Variants in TASP1 observed in about 807,000 individuals in gnomAD.
The protein encoded by TASP1 is taspase 1, also known as threonine aspartase 1.
TASP1 carries 16 observed loss-of-function variants against 56.6 expected under a neutral mutation model. The observed-to-expected ratio is 0.28, with a 90% CI of 0.19 to 0.43. TASP1 has a LOEUF of 0.43. TASP1 is among the 20% of genes least tolerant of loss of function. TASP1 has a pLI of 1.00. For synonymous variants in TASP1, 179 were observed against 184.2 expected, an observed-to-expected ratio of 0.97 and a Z score of 0.23; for missense variants, 393 against 511.6, an observed-to-expected ratio of 0.77 and a Z score of 2.24.
At chr20:13,569,890 A>G (rs1174787912) in intron 6 of TASP1, among the ~76,000 whole-genome samples, 1 of 152,172 alleles carries the variant, frequency 6.6e-6, no homozygotes, top group African/African-American at 2.4e-5. Flanking sequence ...ATTAAGATTT[A>G]TCTTGGACCA....
At chr20:13,286,414 T>C in the TASP1 span, among the ~76,000 whole-genome samples, 1 of 151,880 alleles carries the variant, frequency 6.6e-6, no homozygotes, top group Non-Finnish European at 1.5e-5. Flanking sequence ...CAATAAGAGA[T>C]GGTAGAGAGG....
At chr20:13,279,732 G>A in the TASP1 span, 1 of 1,614,016 alleles carries the variant, frequency 6.2e-7, no homozygotes, top group Non-Finnish European at 8.5e-7. Context: ...CCGACTGGCG[G>A]GCCTGGTGGC....
chr20:13,319,312 A>T, the TASP1 span, among the ~76,000 whole-genome samples: 1 of 152,164 alleles, frequency 6.6e-6, no homozygotes, highest in Non-Finnish European at 1.5e-5. Context: ...TGAACTAGAC[A>T]CTTATCTGGT....
the TASP1 span, among the ~76,000 whole-genome samples, chr20:13,371,473 TTC>T: frequency 8.1e-5 from 9 of 110,718 alleles, no homozygotes; most frequent in African/African-American, 1.8e-4. Context: ...TCCCAAATCT[TTC>T]TGTTACTTTT....
the TASP1 span, among the ~76,000 whole-genome samples, chr20:13,212,091 TC>T: frequency 6.6e-6 from 1 of 152,144 alleles, no homozygotes; most frequent in African/African-American, 2.4e-5. Context: ...CATACCCATT[TC>T]CTTTGCCTCC....
chr20:13,115,191 G>A, the TASP1 span, among the ~76,000 whole-genome samples: 2 of 152,096 alleles, frequency 1.3e-5, no homozygotes, highest in African/African-American at 2.4e-5. Context: ...TTATGCATGC[G>A]CTAGACTCAA....
chr20:13,136,459 C>T, the TASP1 span, among the ~76,000 whole-genome samples: 5 of 151,520 alleles, frequency 3.3e-5, no homozygotes, highest in South Asian at 4.2e-4. Context: ...AATTAGATGG[C>T]GGTGGTGGCA....
chr20:13,513,402 G>C (rs1227085580), intron 10 of TASP1, among the ~76,000 whole-genome samples: 1 of 150,886 alleles, frequency 6.6e-6, no homozygotes, highest in Non-Finnish European at 1.5e-5. Flanking sequence ...AGAAACAAAA[G>C]AGGGAGGGAG....
chr20:13,307,576 T>C, the TASP1 span, among the ~76,000 whole-genome samples: 1 of 152,326 alleles, frequency 6.6e-6, no homozygotes, highest in African/African-American at 2.4e-5. Flanking sequence ...AGCACTCCCA[T>C]GCCCCCGTCC....
chr20:13,459,779 A>G (rs907735803), intron 11 of TASP1, among the ~76,000 whole-genome samples: 1 of 152,082 alleles, frequency 6.6e-6, no homozygotes, highest in Admixed American at 6.6e-5. Context: ...GTTACTACAG[A>G]TGAATTGCTC....
chr20:13,230,676 A>G, the TASP1 span, among the ~76,000 whole-genome samples: 2 of 151,578 alleles, frequency 1.3e-5, no homozygotes, highest in Non-Finnish European at 2.9e-5. Flanking sequence ...TAGAGATGGG[A>G]TGGGGGTGTC....
At chr20:13,272,897 A>C in the TASP1 span, among the ~76,000 whole-genome samples, 1 of 152,252 alleles carries the variant, frequency 6.6e-6, no homozygotes, top group African/African-American at 2.4e-5. Context: ...TGTTTAGGCC[A>C]TGCCCAAAAC....
intron 9 of TASP1, among the ~76,000 whole-genome samples, chr20:13,529,780 C>A (rs2146867111): frequency 6.6e-6 from 1 of 152,190 alleles, no homozygotes; most frequent in South Asian, 2.1e-4. Flanking sequence ...AGGATGGGGA[C>A]CAGACTTCAG....
At chr20:13,584,689 G>A (rs1372414541) in intron 5 of TASP1, among the ~76,000 whole-genome samples, 1 of 152,098 alleles carries the variant, frequency 6.6e-6, no homozygotes, top group Non-Finnish European at 1.5e-5. Context: ...CATACAGCAA[G>A]TCTCTAAAAG....
At chr20:13,519,470 C>A (rs542854601) in intron 10 of TASP1, among the ~76,000 whole-genome samples, 2 of 152,086 alleles carry the variant, frequency 1.3e-5, no homozygotes, top group Admixed American at 1.3e-4. Flanking sequence ...GTTCAACATA[C>A]GAAAATCAAT....
the TASP1 span, among the ~76,000 whole-genome samples, chr20:13,316,442 T>C: frequency 3.3e-5 from 5 of 151,942 alleles, no homozygotes; most frequent in Non-Finnish European, 4.4e-5. Context: ...ACTCATCCTA[T>C]GAGAGCAGCA....
At chr20:13,462,942 T>C (rs1437826708) in intron 11 of TASP1, among the ~76,000 whole-genome samples, 1 of 152,152 alleles carries the variant, frequency 6.6e-6, no homozygotes, top group Admixed American at 6.5e-5. Context: ...ATGTCAATAC[T>C]ACCCAGAATG....
chr20:13,599,022 G>GA (rs755820681), intron 4 of TASP1, among the ~76,000 whole-genome samples: 4 of 152,098 alleles, frequency 2.6e-5, no homozygotes, highest in Admixed American at 6.6e-5. Flanking sequence ...AAAAATTCAG[G>GA]AAACAACAGA....
At position 13,393,028 on chromosome 20, in the gene TASP1, G is replaced by T. The variant is rs1409703738; in HGVS notation, c.1171-2576C>A. On this transcript the variant is annotated intron_variant, in intron 13 of 13. Coordinates refer to ENST00000337743, the MANE Select transcript of TASP1 (RefSeq NM_017714.3). ...TCACTTGCAGCAGGGAGCCAAAAGG[G>T]TCATCATCTCTGCTGCCTCTGCTGA... The T allele has an allele frequency of 8.2e-5, 48 of 586,708 alleles. No individual in the cohort carries two copies. In the Admixed American group the frequency reaches 9.7e-4, roughly 12 times the overall value. The allele number at this position is 586,708 out of a possible 1,614,324, so 36.3% of individuals were successfully genotyped here. A position where few individuals can be genotyped will look rare whatever the true frequency, so the allele number is the denominator to read the frequency against.
Sources: allele counts gnomAD v4.1 joint callset (sites outside exome capture counted in the v4.1 genomes callset), GRCh38; gene constraint gnomAD v4.1.1; transcripts MANE v1.5; gene names NCBI Gene and HGNC (gene_info 2026-07-23, HGNC 2026-07-21).